GRIA1: variants seen among roughly 807,000 people sequenced by gnomAD.
GRIA1 encodes the protein glutamate receptor 1.
GRIA1 carries 31 observed loss-of-function variants against 99.2 expected under a neutral mutation model. That is an observed-to-expected ratio of 0.31 (90% CI 0.23 to 0.42). The LOEUF is 0.42. GRIA1 is among the 10% of genes least tolerant of loss of function. The pLI, the probability that GRIA1 is intolerant of heterozygous loss-of-function variation, is 1.00. For synonymous variants in GRIA1, 438 were observed against 432.4 expected (o/e 1.01, Z -0.16); for missense variants, 782 against 1,157.5 (o/e 0.68, Z 4.71).
intron 11 of GRIA1, among the ~76,000 whole-genome samples, chr5:153,713,454 C>T (rs1759465711): frequency 6.6e-6 from 1 of 152,214 alleles, no homozygotes; most frequent in South Asian, 2.1e-4. Context: ...AGATCAGTGG[C>T]TCCTACTTTT....
intron 2 of GRIA1, among the ~76,000 whole-genome samples, chr5:153,586,050 G>C (rs1242380633): frequency 1.3e-5 from 2 of 152,024 alleles, no homozygotes; most frequent in African/African-American, 4.8e-5. Flanking sequence ...AATAGTTCAA[G>C]CTATCAGCAT....
At chr5:153,539,633 A>G (rs927601862) in intron 2 of GRIA1, among the ~76,000 whole-genome samples, 3 of 152,146 alleles carry the variant, frequency 2.0e-5, no homozygotes, top group African/African-American at 7.2e-5. Flanking sequence ...TTTAAACCCA[A>G]GTTTCTCAAT....
At chr5:153,748,486 T>TGGATTTTATCTTCTAAGTGGGAC in intron 11 of GRIA1, among the ~76,000 whole-genome samples, 1 of 152,332 alleles carries the variant, frequency 6.6e-6, no homozygotes, top group East Asian at 1.9e-4. Context: ...GTAGAATATT[T>TGGATTTTATCTTCTAAGTGGGAC]GGATTTTATC....
chr5:153,495,954 CT>C (rs1186578494), intron 2 of GRIA1, among the ~76,000 whole-genome samples: 1 of 152,188 alleles, frequency 6.6e-6, no homozygotes, highest in East Asian at 1.9e-4. Flanking sequence ...TACTTTATAG[CT>C]TTTGTATTAC....
intron 2 of GRIA1, among the ~76,000 whole-genome samples, chr5:153,629,078 G>C (rs944969432): frequency 2.6e-5 from 4 of 152,212 alleles, no homozygotes; most frequent in African/African-American, 4.8e-5. Flanking sequence ...ACAGGCAGGG[G>C]TGGGCCTGTG....
At chr5:153,584,769 C>T (rs1763327548) in intron 2 of GRIA1, among the ~76,000 whole-genome samples, 1 of 152,106 alleles carries the variant, frequency 6.6e-6, no homozygotes, top group South Asian at 2.1e-4. Context: ...GAGATGACTA[C>T]AATGTGGTAT....
At chr5:153,619,131 G>T (rs1353471590) in intron 2 of GRIA1, among the ~76,000 whole-genome samples, 1 of 152,108 alleles carries the variant, frequency 6.6e-6, no homozygotes, top group Non-Finnish European at 1.5e-5. Flanking sequence ...AATGCAGTTT[G>T]GTTTAAACAG....
chr5:153,804,410 T>A (rs982995182), intron 15 of GRIA1, among the ~76,000 whole-genome samples: 13 of 152,072 alleles, frequency 8.5e-5, no homozygotes, highest in Non-Finnish European at 1.9e-4. Flanking sequence ...CTCTCCTACC[T>A]TACCCTCCAA....
chr5:153,675,831 G>A (rs562034053), intron 6 of GRIA1, among the ~76,000 whole-genome samples: 53 of 151,706 alleles, frequency 3.5e-4, no homozygotes, highest in Non-Finnish European at 6.6e-4. Context: ...AGACTGAGCA[G>A]ATGACAAAAA....
chr5:153,526,268 C>T (rs1757586488), intron 2 of GRIA1, among the ~76,000 whole-genome samples: 1 of 152,140 alleles, frequency 6.6e-6, no homozygotes, highest in Non-Finnish European at 1.5e-5. Context: ...CAATCCCAGT[C>T]TATGAATTAA....
chr5:153,813,239 T>G lies in GRIA1; in HGVS notation c.*2014T>G, dbSNP rs906999628. 6.6e-6 allele frequency: 1 copy of G among 152,226 alleles called. No individual in the cohort carries two copies. Among genetic ancestry groups the G allele is most frequent in the Non-Finnish European group, 1.5e-5 (1 of 68,050 alleles). The allele number at this position is 152,226 out of a possible 1,614,324, so 9.4% of individuals were successfully genotyped here. ...AGCTGATGTCTCTCAGCCCCTGCCC[T>G]CATACAAGATTTTTCTCAGCCTTCA... On this transcript the variant is annotated 3_prime_UTR_variant, in exon 16 of 16. Coordinates refer to ENST00000285900, the MANE Select transcript of GRIA1 (RefSeq NM_000827.4).
chr5:153,600,150 C>T (rs1350241486), intron 2 of GRIA1, among the ~76,000 whole-genome samples: 2 of 151,848 alleles, frequency 1.3e-5, no homozygotes, highest in Non-Finnish European at 2.9e-5. Context: ...CCAGCACTTT[C>T]GGAGGCCGAG....
rs1239165584 is a variant in GRIA1 at position 153,555,575 on chromosome 5, ACTT to A, written c.220+61511_220+61513del. ...CCCCTTCCTTATTCCACTAAGACTC[ACTT>A]GCAACGCAAAGACCAGGGCCTCATG... On this transcript the variant is annotated intron_variant, in intron 2 of 15. Transcript: ENST00000285900. Among the ~76,000 whole-genome samples the A allele has an allele frequency of 2.0e-3, 300 of 152,216 alleles. 1 individual carries two copies. The highest frequency in any genetic ancestry group is 7.0e-3 in the African/African-American group (290 of 41,528).
At chr5:153,537,578 A>T (rs1758697887) in intron 2 of GRIA1, among the ~76,000 whole-genome samples, 2 of 152,140 alleles carry the variant, frequency 1.3e-5, no homozygotes, top group Non-Finnish European at 2.9e-5. Flanking sequence ...ACAGAAATAA[A>T]TTGCATTGTG....
intron 2 of GRIA1, among the ~76,000 whole-genome samples, chr5:153,583,034 G>A (rs1280493319): frequency 1.3e-5 from 2 of 152,026 alleles, no homozygotes; most frequent in East Asian, 3.9e-4. Flanking sequence ...CTGACCTCAA[G>A]CAATTCTCCC....
chr5:153,491,026 T>G lies in GRIA1; in HGVS notation c.82+56T>G, dbSNP rs565934520. ...TTCTGGGTCTGGCCAGGGATTTTTT[T>G]GGGGATAGGGGTTGTGTACCCCCTC... is the stretch of plus-strand genomic sequence containing the variant. On this transcript the variant is annotated intron_variant, in intron 1 of 15. Coordinates refer to ENST00000285900, the MANE Select transcript of GRIA1 (RefSeq NM_000827.4). 105 of 1,510,354 alleles carry G rather than the reference T, an allele frequency of 7.0e-5. No homozygotes were observed. In the East Asian group the frequency reaches 1.0e-3, roughly 15 times the overall value. 93.6% of individuals were successfully genotyped at this position (1,510,354 alleles called of 1,614,324 possible). A position where few individuals can be genotyped will look rare whatever the true frequency, so the allele number is the denominator to read the frequency against.
intron 2 of GRIA1, among the ~76,000 whole-genome samples, chr5:153,640,550 C>G (rs892271655): frequency 6.6e-6 from 1 of 152,192 alleles, no homozygotes; most frequent in African/African-American, 2.4e-5. Context: ...TAAAGTGGTC[C>G]CTCTATCTAG....
At chr5:153,759,003 T>C (rs896025824) in intron 11 of GRIA1, among the ~76,000 whole-genome samples, 1 of 151,776 alleles carries the variant, frequency 6.6e-6, no homozygotes, top group Admixed American at 6.6e-5. Flanking sequence ...AATGAATCAA[T>C]GAGGACATTT....
intron 5 of GRIA1, among the ~76,000 whole-genome samples, chr5:153,661,943 A>AT (rs1755401265): frequency 6.6e-6 from 1 of 152,188 alleles, no homozygotes; most frequent in African/African-American, 2.4e-5. Context: ...CCAGTGATGG[A>AT]AAAGTCCTAC....
Sources: allele counts gnomAD v4.1 joint callset (sites outside exome capture counted in the v4.1 genomes callset), GRCh38; gene constraint gnomAD v4.1.1; transcripts MANE v1.5; gene names NCBI Gene and HGNC (gene_info 2026-07-23, HGNC 2026-07-21).